Variants in CACNA2D3 observed in about 807,000 individuals in gnomAD.
CACNA2D3 encodes the protein voltage-dependent calcium channel subunit alpha-2/delta-3.
A neutral mutation model predicts 160.6 loss-of-function variants in CACNA2D3; 60 were observed. The observed-to-expected ratio is 0.37, with a 90% CI of 0.30 to 0.46. The LOEUF is 0.46. Ranked by LOEUF, CACNA2D3 falls within the 20% of genes least tolerant of loss-of-function variation. The pLI is 1.00. For missense variants in CACNA2D3, 1,205 were observed against 1,365.0 expected, an observed-to-expected ratio of 0.88 and a Z score of 1.85; for synonymous variants, 558 against 492.9, an observed-to-expected ratio of 1.13 and a Z score of -1.75.
At chr3:54,252,546 C>T (rs1702213910) in intron 2 of CACNA2D3, among the ~76,000 whole-genome samples, 1 of 152,202 alleles carries the variant, frequency 6.6e-6, no homozygotes, top group Non-Finnish European at 1.5e-5. Context: ...GCTGCAGTCT[C>T]TTAAAATTAG....
intron 2 of CACNA2D3, among the ~76,000 whole-genome samples, chr3:54,249,283 G>A (rs1702136681): frequency 6.6e-6 from 1 of 152,102 alleles, no homozygotes; most frequent in South Asian, 2.1e-4. Flanking sequence ...CAAATTACAG[G>A]ACATTCTTGG....
intron 21 of CACNA2D3, among the ~76,000 whole-genome samples, chr3:54,883,749 C>G (rs1437271379): frequency 3.3e-5 from 5 of 149,746 alleles, no homozygotes; most frequent in Non-Finnish European, 5.9e-5. Context: ...TTTCCTCATT[C>G]AGGTCACTTT....
chr3:54,564,814 CAG>C (rs1702383549), intron 6 of CACNA2D3, among the ~76,000 whole-genome samples: 1 of 152,138 alleles, frequency 6.6e-6, no homozygotes, highest in Non-Finnish European at 1.5e-5. Context: ...TTGCAAGGGA[CAG>C]AAACACAATT....
At chr3:54,849,708 C>T (rs569840215) in intron 17 of CACNA2D3, among the ~76,000 whole-genome samples, 1 of 152,272 alleles carries the variant, frequency 6.6e-6, no homozygotes, top group African/African-American at 2.4e-5. Context: ...GGACGATCCC[C>T]TTAGTTCTGG....
chr3:54,174,575 AGTG>A (rs1700629703), intron 2 of CACNA2D3, among the ~76,000 whole-genome samples: 1 of 142,504 alleles, frequency 7.0e-6, no homozygotes, highest in South Asian at 2.2e-4. Flanking sequence ...CCCAGGCTGG[AGTG>A]CAGTGGCGCG....
At position 54,911,351 on chromosome 3, in the gene CACNA2D3, C is replaced by CTTTTTTTTTTT. The variant is rs58289082; in HGVS notation, c.2449+11495_2449+11505dup. On this transcript the variant is annotated intron_variant, in intron 27 of 37. Transcript: ENST00000474759. ...CCTCCTCCCCCTCCTTCTTTGTCGT[C>CTTTTTTTTTTT]TTTTTTTTTTTTTTTTTTTTTTAAA... 7.6e-3 allele frequency among the ~76,000 whole-genome samples: 448 copies of CTTTTTTTTTTT among 58,566 alleles called. 85 individuals carry two copies. The highest frequency in any genetic ancestry group is 0.034 in the African/African-American group (382 of 11,304). 38.4% of individuals were successfully genotyped at this position (58,566 alleles called of 152,430 possible).
intron 27 of CACNA2D3, among the ~76,000 whole-genome samples, chr3:54,925,790 T>G (rs1299027802): frequency 6.6e-6 from 1 of 152,182 alleles, no homozygotes; most frequent in Admixed American, 6.5e-5. Context: ...TTTTAACTAT[T>G]TTAAACAACA....
Position 55,074,394 on chromosome 3 carries a change from C to CATCTT in CACNA2D3, c.*189_*193dup. 1 of 379,226 alleles carries CATCTT rather than the reference C, an allele frequency of 2.6e-6. No homozygotes were observed. The highest frequency in any genetic ancestry group is 4.1e-5 in the Admixed American group (1 of 24,596). The allele number at this position is 379,226 out of a possible 1,614,324, so 23.5% of individuals were successfully genotyped here. ...GATATGTTGACAAAAAGTTATCTAT[C>CATCTT]ATCTTTTTACTTTGCCAGTCATGCA... On this transcript the variant is annotated 3_prime_UTR_variant, in exon 38 of 38. Transcript: ENST00000474759.
At position 54,223,361 on chromosome 3, in the gene CACNA2D3, T is replaced by C. The variant is rs549087531; in HGVS notation, c.205-97081T>C. 2.4e-3 allele frequency among the ~76,000 whole-genome samples: 364 copies of C among 152,270 alleles called. 2 individuals carry two copies. Among genetic ancestry groups the C allele is most frequent in the African/African-American group, 7.8e-3 (324 of 41,540 alleles). ...TGTAACACGATGATAAGTATTTGAA[T>C]ATCTAAACATATGTAAATGTAGGAA... is the stretch of plus-strand genomic sequence containing the variant. On this transcript the variant is annotated intron_variant, in intron 2 of 37. Coordinates refer to ENST00000474759, the MANE Select transcript of CACNA2D3 (RefSeq NM_018398.3).
At chr3:54,181,778 G>C (rs1354047276) in intron 2 of CACNA2D3, among the ~76,000 whole-genome samples, 1 of 152,162 alleles carries the variant, frequency 6.6e-6, no homozygotes, top group Non-Finnish European at 1.5e-5. Context: ...TGGGTCACTG[G>C]TTGACATAGG....
At chr3:54,801,224 G>A (rs1487930659) in intron 13 of CACNA2D3, among the ~76,000 whole-genome samples, 1 of 152,098 alleles carries the variant, frequency 6.6e-6, no homozygotes, top group Non-Finnish European at 1.5e-5. Context: ...CTGACCTCAA[G>A]TGATCTGCCC....
At chr3:54,190,249 AC>A (rs1700955906) in intron 2 of CACNA2D3, among the ~76,000 whole-genome samples, 1 of 152,258 alleles carries the variant, frequency 6.6e-6, no homozygotes, top group African/African-American at 2.4e-5. Context: ...TTTCGGGGGC[AC>A]ACACACATTT....
rs150506585 is a variant in CACNA2D3, at chr3:54,831,058, G to A, written c.1399-6101G>A. On this transcript the variant is annotated intron_variant, in intron 14 of 37. Coordinates refer to ENST00000474759, the MANE Select transcript of CACNA2D3 (RefSeq NM_018398.3). ...TATGTTGATCAATGTTAATAATAAA[G>A]CAACACAAATGTAAGAGGAGCAAAA... Among the ~76,000 whole-genome samples the A allele has an allele frequency of 1.5e-3, 227 of 152,230 alleles. 3 individuals carry two copies. Among genetic ancestry groups the A allele is most frequent in the African/African-American group, 5.1e-3 (211 of 41,526 alleles).
At chr3:54,908,745 T>C (rs1700497630) in intron 27 of CACNA2D3, among the ~76,000 whole-genome samples, 2 of 152,162 alleles carry the variant, frequency 1.3e-5, no homozygotes, top group Admixed American at 1.3e-4. Flanking sequence ...CAAAAAATCT[T>C]GTGAGCTCTC....
At chr3:54,760,844 G>A (rs1702068070) in intron 12 of CACNA2D3, among the ~76,000 whole-genome samples, 2 of 152,192 alleles carry the variant, frequency 1.3e-5, no homozygotes, top group African/African-American at 4.8e-5. Context: ...GGAGAGGAAT[G>A]GATTTGGGAA....
intron 11 of CACNA2D3, among the ~76,000 whole-genome samples, chr3:54,751,780 G>A (rs2107067058): frequency 6.6e-6 from 1 of 152,298 alleles, no homozygotes; most frequent in South Asian, 2.1e-4. Context: ...ACAAAGAGGT[G>A]GCCACAGGCT....
chr3:54,258,637 G>A (rs969571408), intron 2 of CACNA2D3, among the ~76,000 whole-genome samples: 1 of 152,190 alleles, frequency 6.6e-6, no homozygotes, highest in South Asian at 2.1e-4. Context: ...ACTTTGGAAG[G>A]AAGAGATTTG....
At chr3:54,520,332 T>C (rs1257879863) in intron 5 of CACNA2D3, among the ~76,000 whole-genome samples, 1 of 152,140 alleles carries the variant, frequency 6.6e-6, no homozygotes, top group African/African-American at 2.4e-5. Context: ...GGAGGCTGGC[T>C]TTAGTGTTTA....
At chr3:54,585,495 C>T (rs1455156729) in intron 9 of CACNA2D3, among the ~76,000 whole-genome samples, 1 of 152,076 alleles carries the variant, frequency 6.6e-6, no homozygotes, top group African/African-American at 2.4e-5. Context: ...CATTAATCAC[C>T]TTATGTATTA....
Sources: gnomAD v4.1 joint callset for allele counts (sites outside exome capture counted in the v4.1 genomes callset) on GRCh38, gnomAD v4.1.1 for gene constraint, MANE v1.5 for transcripts, NCBI Gene and HGNC (gene_info 2026-07-23, HGNC 2026-07-21) for gene names.